The following CACNA1D variants were observed in gnomAD, a reference collection of about 807,000 sequenced individuals.
CACNA1D encodes calcium voltage-gated channel subunit alpha1 D.
CACNA1D carries 55 observed loss-of-function variants against 257.1 expected under a neutral mutation model. The ratio of observed to expected loss-of-function variants is 0.21; its 90% confidence interval spans 0.17 to 0.27. The LOEUF (loss-of-function observed/expected upper bound fraction) is 0.27, where lower values mean the gene tolerates loss of function less well. CACNA1D is among the 10% of genes least tolerant of loss of function. The pLI is 1.00. For missense variants in CACNA1D, 1,876 were observed against 2,784.0 expected, an observed-to-expected ratio of 0.67 and a Z score of 7.34; for synonymous variants, 980 against 1,014.9, an observed-to-expected ratio of 0.97 and a Z score of 0.65.
chr3:53,557,221 C>T (rs182062188), intron 3 of CACNA1D, among the ~76,000 whole-genome samples: 10 of 152,144 alleles, frequency 6.6e-5, no homozygotes, highest in South Asian at 2.1e-4. Flanking sequence ...TATGGCCAGG[C>T]GTGGTGGCTC....
At chr3:53,642,368 C>T (rs2093965904) in intron 3 of CACNA1D, among the ~76,000 whole-genome samples, 2 of 152,202 alleles carry the variant, frequency 1.3e-5, no homozygotes, top group Admixed American at 6.5e-5. Context: ...TCTTCGGACC[C>T]GGTTGGTGTG....
intron 15 of CACNA1D, among the ~76,000 whole-genome samples, chr3:53,727,442 C>T (rs186983409): frequency 1.9e-4 from 29 of 152,334 alleles, no homozygotes; most frequent in Admixed American, 1.8e-3. Flanking sequence ...CTGTGCTCCC[C>T]TGGGCTAATT....
chr3:53,537,033 T>C (rs1028816072), intron 3 of CACNA1D, among the ~76,000 whole-genome samples: 13 of 152,240 alleles, frequency 8.5e-5, no homozygotes, highest in Non-Finnish European at 1.0e-4. Flanking sequence ...CTGCTCAGAC[T>C]ATGCCTTCTA....
chr3:53,795,382 T>C (rs781020506), intron 40 of CACNA1D, among the ~76,000 whole-genome samples: 9 of 152,208 alleles, frequency 5.9e-5, no homozygotes, highest in Non-Finnish European at 8.8e-5. Flanking sequence ...TCCAGCGTTC[T>C]TTCCCAGTAG....
At chr3:53,711,141 G>A (rs2094750147) in intron 9 of CACNA1D, among the ~76,000 whole-genome samples, 1 of 152,184 alleles carries the variant, frequency 6.6e-6, no homozygotes, top group African/African-American at 2.4e-5. Context: ...CAGCTACTTG[G>A]GAGGCTGAGG....
intron 8 of CACNA1D, among the ~76,000 whole-genome samples, chr3:53,699,950 A>T (rs1294934023): frequency 6.6e-6 from 1 of 151,942 alleles, no homozygotes; most frequent in African/African-American, 2.4e-5. Context: ...TATATTTGTA[A>T]TGTTAAAAAG....
chr3:53,705,280 C>A (rs1260142671), intron 9 of CACNA1D, among the ~76,000 whole-genome samples: 1 of 152,046 alleles, frequency 6.6e-6, no homozygotes, highest in South Asian at 2.1e-4. Context: ...GGGGTGGGGG[C>A]TTTTTCAAGC....
chr3:53,564,794 CTT>C (rs2092804952), intron 3 of CACNA1D, among the ~76,000 whole-genome samples: 1 of 152,188 alleles, frequency 6.6e-6, no homozygotes, highest in Non-Finnish European at 1.5e-5. Flanking sequence ...TGTTAAGTGA[CTT>C]TTTCAAGGTC....
At chr3:53,611,295 G>A (rs1024888890) in intron 3 of CACNA1D, among the ~76,000 whole-genome samples, 2 of 152,286 alleles carry the variant, frequency 1.3e-5, no homozygotes, top group East Asian at 3.9e-4. Context: ...TGAAGCAGGA[G>A]GATTGCTTAA....
At chr3:53,529,510 A>T (rs2091877777) in intron 3 of CACNA1D, among the ~76,000 whole-genome samples, 1 of 152,028 alleles carries the variant, frequency 6.6e-6, no homozygotes, top group African/African-American at 2.4e-5. Context: ...GTTGTGCTGG[A>T]CTCATAATGT....
chr3:53,732,770 T>C (rs1435923696), intron 18 of CACNA1D, 45 bp from the exon 19 acceptor site: 17 of 1,543,326 alleles, frequency 1.1e-5, no homozygotes, highest in Non-Finnish European at 1.4e-5. Flanking sequence ...CAAACCCATA[T>C]GTAGTCTTTA....
At chr3:53,775,863 C>A in intron 34 of CACNA1D, 23 bp from the exon 35 acceptor site, 1 of 1,613,102 alleles carries the variant, frequency 6.2e-7, no homozygotes, top group African/African-American at 1.3e-5. Context: ...CACTAAAGCC[C>A]CTTTGTTCTT....
chr3:53,534,459 C>G (rs1312895562), intron 3 of CACNA1D, among the ~76,000 whole-genome samples: 1 of 152,244 alleles, frequency 6.6e-6, no homozygotes, highest in Non-Finnish European at 1.5e-5. Context: ...AAGACGGAGT[C>G]TGCATAACCT....
intron 3 of CACNA1D, among the ~76,000 whole-genome samples, chr3:53,554,910 G>A (rs1303507951): frequency 6.6e-6 from 1 of 152,166 alleles, no homozygotes; most frequent in East Asian, 1.9e-4. Flanking sequence ...GGCAGCCAGG[G>A]AGATAGTAAA....
At chr3:53,708,884 A>G (rs2094719893) in intron 9 of CACNA1D, among the ~76,000 whole-genome samples, 1 of 152,196 alleles carries the variant, frequency 6.6e-6, no homozygotes, top group Admixed American at 6.5e-5. Flanking sequence ...CTTCCACCCT[A>G]AGATGCCCAA....
intron 8 of CACNA1D, among the ~76,000 whole-genome samples, chr3:53,691,774 ATT>A (rs1453991313): frequency 1.6e-5 from 1 of 62,594 alleles, no homozygotes; most frequent in Non-Finnish European, 3.2e-5. Context: ...TAATATATAT[ATT>A]ATATCTATAA....
In CACNA1D at chr3:53,762,026, T is replaced by G; in HGVS notation, c.3815T>G (p.Phe1272Cys). ...TATTTTAGTGACGCCTGGAACACGT[T>G]TGACTCCCTCATCGTAATCGGCAGC... ...KGYFSDAWNT[F>C]DSLIVIGSII... is the part of the protein sequence containing the mutation. Residue 1272 changes from phenylalanine to cysteine, a missense_variant, in exon 30 of 48, where the codon TTT (phenylalanine) becomes TGT (cysteine). Phe to Cys is a radical substitution (Grantham distance 205). This residue lies in a region of CACNA1D where 204 missense variants were observed against 309.4 expected (regional missense o/e 0.66). Coordinates refer to ENST00000350061, the MANE Select transcript of CACNA1D (RefSeq NM_001128840.3). 6.2e-7 allele frequency: 1 copy of G among 1,613,860 alleles called. No homozygotes were observed. The highest frequency in any genetic ancestry group is 8.5e-7 in the Non-Finnish European group (1 of 1,179,712).
chr3:53,632,647 T>C (rs981608832), intron 3 of CACNA1D, among the ~76,000 whole-genome samples: 3 of 152,260 alleles, frequency 2.0e-5, no homozygotes, highest in African/African-American at 7.2e-5. Context: ...AAGTGAGACA[T>C]ATGAGTCTTC....
chr3:53,660,562 T>C (rs1289605187), intron 5 of CACNA1D, among the ~76,000 whole-genome samples: 1 of 152,196 alleles, frequency 6.6e-6, no homozygotes, highest in Non-Finnish European at 1.5e-5. Context: ...TTCAGGCCTT[T>C]AATTCCAGTC....
Sources: gnomAD v4.1 joint callset for allele counts (sites outside exome capture counted in the v4.1 genomes callset) on GRCh38, gnomAD v4.1.1 for gene constraint, gnomAD v4.1.1 regional missense constraint, MANE v1.5 for transcripts, NCBI Gene and HGNC (gene_info 2026-07-23, HGNC 2026-07-21) for gene names.